AMZ2: variants seen among roughly 807,000 people sequenced by gnomAD.
AMZ2 encodes the protein archaemetzincin-2.
AMZ2 carries 26 observed loss-of-function variants against 36.7 expected under a neutral mutation model. That is an observed-to-expected ratio of 0.71 (90% CI 0.52 to 0.98). The LOEUF (loss-of-function observed/expected upper bound fraction) is 0.98, where lower values mean the gene tolerates loss of function less well. AMZ2 is among the 50% of genes least tolerant of loss of function. The probability of loss-of-function intolerance (pLI) is 0.00; values close to 1 mark genes in which losing one functional copy is unlikely to be tolerated. For synonymous variants in AMZ2, 144 were observed against 149.1 expected, an observed-to-expected ratio of 0.97 and a Z score of 0.25; for missense variants, 394 against 430.5, an observed-to-expected ratio of 0.92 and a Z score of 0.75.
Position 68,250,452 on chromosome 17 carries a change from A to C in AMZ2, c.265A>C (p.Ile89Leu), listed in dbSNP as rs1599411729. ...RKTPSPNKRS[I>L]YIQSIGSLGN... ...GACACCCTCTCCAAACAAACGCAGCATTTATATACAGTCCATTGGTAAATA... is the reference window on the plus strand; with the variant it reads ...GACACCCTCTCCAAACAAACGCAGCCTTTATATACAGTCCATTGGTAAATA... Residue 89 changes from isoleucine (I) to leucine (L), a missense_variant, in exon 2 of 7, where the codon ATT (isoleucine) becomes CTT (leucine). By Grantham distance (5) the Ile-to-Leu change is conservative. Transcript: ENST00000359904. 6.2e-7 allele frequency: 1 copy of C among 1,614,096 alleles called. No individual in the cohort carries two copies. Among genetic ancestry groups the C allele is most frequent in the Non-Finnish European group, 8.5e-7 (1 of 1,180,004 alleles).
At chr17:68,247,872 A>G (rs2074102438), upstream of AMZ2, 32 of 985,400 alleles carry the variant, frequency 3.2e-5, no homozygotes, top group Non-Finnish European at 3.9e-5. Flanking sequence ...CTATTCTGGA[A>G]GAGGCGGGTC....
At chr17:68,206,306 G>T in intron 1 of AMZ2, 12 of 1,235,044 alleles carry the variant, frequency 9.7e-6, no homozygotes, top group East Asian at 6.3e-5. Flanking sequence ...TTGCTCACTC[G>T]TGTGCTGTGC....
rs2073146033 is a variant in AMZ2 at position 68,214,512 on chromosome 17, AACCT to A, written c.-67+8275_-67+8278del. ...GAGCGTGGTTTCTCCCAGTCCAGGG[AACCT>A]CAGTTTACCTCCTCTAGAGACTAGA... is the stretch of plus-strand genomic sequence containing the variant. On this transcript the variant is annotated intron_variant, in intron 1 of 7. Coordinates refer to the AMZ2 transcript ENST00000674770. 2.0e-5 allele frequency among the ~76,000 whole-genome samples: 3 copies of A among 152,300 alleles called. No individual in the cohort carries two copies. The South Asian group carries it at 6.2e-4, about 32-fold the overall frequency.
rs1287358547 is a variant in AMZ2, at chr17:68,235,798, G to A, written c.-66-12842G>A. 1.3e-5 allele frequency among the ~76,000 whole-genome samples: 2 copies of A among 151,920 alleles called. No individual in the cohort carries two copies. The highest frequency in any genetic ancestry group is 1.5e-5 in the Non-Finnish European group (1 of 67,970). ...CAGCCTGGGCTGCCGTGGACTGGCC[G>A]TCCCTACCCCTCCAAGACTTAGCCC... On this transcript the variant is annotated intron_variant, in intron 1 of 7. Coordinates refer to the AMZ2 transcript ENST00000674770. The surrounding 1 kb of genome is among the most constrained non-coding windows in gnomAD (Gnocchi z 4.2).
intron 1 of AMZ2, among the ~76,000 whole-genome samples, chr17:68,223,898 A>AT (rs1555729196): frequency 0.013 from 1,451 of 111,676 alleles, 13 homozygotes; most frequent in Middle Eastern, 0.021. Flanking sequence ...ATATATATAT[A>AT]TTTTTTTTTG....
chr17:68,215,468 C>A (rs2073172096), intron 1 of AMZ2, among the ~76,000 whole-genome samples: 2 of 137,104 alleles, frequency 1.5e-5, no homozygotes, highest in South Asian at 2.4e-4. Context: ...GCACAGGAAT[C>A]GCTTGAACCT....
In AMZ2 at chr17:68,250,224, A is replaced by G. The variant is rs548870490; in HGVS notation, c.37A>G (p.Thr13Ala). The change falls in exon 2 of 7, where the codon ACA (threonine) becomes GCA (alanine). Residue 13 changes from threonine (T) to alanine (A), a missense_variant. By Grantham distance (58) the Thr-to-Ala change is moderately conservative. Transcript: ENST00000359904. Reference protein sequence around the residue: ...IIRHSEQTLKTALISKNPVLV... With the variant: ...IIRHSEQTLKAALISKNPVLV... ...ACGGCACTCCGAACAGACACTAAAA[A>G]CAGCTCTCATCTCAAAGAACCCAGT... is the stretch of plus-strand genomic sequence containing the variant. The G allele has an allele frequency of 5.6e-6, 9 of 1,614,146 alleles. No individual in the cohort carries two copies. The South Asian group carries it at 9.9e-5, about 18-fold the overall frequency.
intron 1 of AMZ2, among the ~76,000 whole-genome samples, chr17:68,236,047 C>G (rs1380453714): frequency 1.3e-5 from 2 of 152,044 alleles, no homozygotes; most frequent in Non-Finnish European, 2.9e-5. Context: ...CCAGGCTGGT[C>G]TCGAACTCCT....
In AMZ2 at chr17:68,215,139, A is replaced by G. The variant is rs2073164465; in HGVS notation, c.-67+8901A>G. ...AGGTTTCAGGAGGGAGCAAAATGAA[A>G]TCTGTCACCTTAACCCAGAAACTGC... On this transcript the variant is annotated intron_variant, in intron 1 of 7. Transcript: ENST00000674770. Among the ~76,000 whole-genome samples, 3 of 152,358 alleles carry G rather than the reference A, an allele frequency of 2.0e-5. No homozygotes were observed. In the South Asian group the frequency reaches 6.2e-4, roughly 32 times the overall value.
chr17:68,214,469 G>A (rs2073144805), intron 1 of AMZ2, among the ~76,000 whole-genome samples: 1 of 152,166 alleles, frequency 6.6e-6, no homozygotes, highest in African/African-American at 2.4e-5. Context: ...TTTCTGTACA[G>A]TACCTTTCTT....
chr17:68,256,415 ATG>A (rs1354574755), intron 6 of AMZ2, among the ~76,000 whole-genome samples: 1 of 152,226 alleles, frequency 6.6e-6, no homozygotes, highest in African/African-American at 2.4e-5. Context: ...ATGTCTACAC[ATG>A]TGTTTTCACA....
chr17:68,224,937 G>A (rs1257058869), intron 1 of AMZ2, among the ~76,000 whole-genome samples: 5 of 151,858 alleles, frequency 3.3e-5, no homozygotes, highest in African/African-American at 1.2e-4. Context: ...CAGCATTTTG[G>A]GAGGCGGAGG....
chr17:68,217,472 G>C (rs1274889995), intron 1 of AMZ2, among the ~76,000 whole-genome samples: 1 of 152,162 alleles, frequency 6.6e-6, no homozygotes, highest in Admixed American at 6.5e-5. Context: ...GTGATATCTT[G>C]AGTATTTTTC....
chr17:68,213,709 T>C (rs1453647852), intron 1 of AMZ2, among the ~76,000 whole-genome samples: 1 of 152,212 alleles, frequency 6.6e-6, no homozygotes, highest in Non-Finnish European at 1.5e-5. Context: ...GACAACTTCC[T>C]CTTTTCCCTC....
chr17:68,249,458 A>T (rs566355273), intron 1 of AMZ2: 1 of 152,988 alleles, frequency 6.5e-6, no homozygotes, highest in African/African-American at 2.4e-5. Flanking sequence ...AGTGCACATC[A>T]CCACATCCGG....
chr17:68,257,146 A>G lies in AMZ2; in HGVS notation c.*177A>G. ...ACTCATTTTGAATAATAAAAACTCT[A>G]GAAACTCTTTATCTTCTCATCTTAC... On this transcript the variant is annotated 3_prime_UTR_variant, in exon 7 of 7. Coordinates refer to ENST00000359904, the MANE Select transcript of AMZ2 (RefSeq NM_016627.5). 1 of 587,480 alleles carries G rather than the reference A, an allele frequency of 1.7e-6. No homozygotes were observed. The highest frequency in any genetic ancestry group is 3.3e-5 in the East Asian group (1 of 30,564). The allele number at this position is 587,480 out of a possible 1,614,324, so 36.4% of individuals were successfully genotyped here.
chr17:68,248,272 G>A lies in AMZ2; in HGVS notation c.-434G>A. ...GGGGTCCGCGGGGTCGGTGCCTCTAGGGAGCCAGGGAGGCCTTTCCCGAGG... is the reference window on the plus strand; with the variant it reads ...GGGGTCCGCGGGGTCGGTGCCTCTAAGGAGCCAGGGAGGCCTTTCCCGAGG... On this transcript the variant is annotated 5_prime_UTR_variant, in exon 1 of 7. Coordinates refer to ENST00000359904, the MANE Select transcript of AMZ2 (RefSeq NM_016627.5). 2 of 985,840 alleles carry A rather than the reference G, an allele frequency of 2.0e-6. No homozygotes were observed. The highest frequency in any genetic ancestry group is 2.4e-6 in the Non-Finnish European group (2 of 830,092). 61.1% of individuals were successfully genotyped at this position (985,840 alleles called of 1,614,324 possible).
At chr17:68,208,397 C>T (rs1224043285) in intron 1 of AMZ2, among the ~76,000 whole-genome samples, 1 of 152,166 alleles carries the variant, frequency 6.6e-6, no homozygotes, top group Non-Finnish European at 1.5e-5. Flanking sequence ...CTGTGTGTAG[C>T]TCAGGGTTTG....
chr17:68,255,527 A>G (rs1280793503), intron 5 of AMZ2, among the ~76,000 whole-genome samples, 173 bp from the exon 6 acceptor site: 3 of 152,176 alleles, frequency 2.0e-5, no homozygotes, highest in African/African-American at 7.2e-5. Context: ...AGGCAGTAAG[A>G]CATTTGGGGA....
Sources: allele counts gnomAD v4.1 joint callset (sites outside exome capture counted in the v4.1 genomes callset), GRCh38; gene constraint gnomAD v4.1.1; non-coding constraint Gnocchi (gnomAD v3.1); transcripts MANE v1.5; gene names NCBI Gene and HGNC (gene_info 2026-07-23, HGNC 2026-07-21).